ANO3: variants seen among roughly 807,000 people sequenced by gnomAD.
ANO3 encodes anoctamin 3.
In ANO3, 99 loss-of-function variants were observed where a neutral mutation model predicts 144.8. The ratio of observed to expected loss-of-function variants is 0.68; its 90% CI spans 0.58 to 0.81. ANO3 has a LOEUF of 0.81. ANO3 is among the 30% of genes least tolerant of loss of function. The pLI is 0.00. For missense variants in ANO3, 905 were observed against 1,202.2 expected, an observed-to-expected ratio of 0.75 and a Z score of 3.66; for synonymous variants, 414 against 392.6, an observed-to-expected ratio of 1.05 and a Z score of -0.64.
chr11:26,294,283 T>A (rs1242649261), intron 1 of ANO3, among the ~76,000 whole-genome samples: 1 of 152,196 alleles, frequency 6.6e-6, no homozygotes, highest in African/African-American at 2.4e-5. Context: ...ATTGAGCTAT[T>A]CTGGAGCCTC....
At chr11:26,221,557 G>GT (rs1351877733) in intron 1 of ANO3, among the ~76,000 whole-genome samples, 2 of 152,130 alleles carry the variant, frequency 1.3e-5, no homozygotes, top group African/African-American at 2.4e-5. Context: ...GTGTTAGTCT[G>GT]TTTTTTCATT....
chr11:26,251,439 T>C (rs1590216477), intron 1 of ANO3, among the ~76,000 whole-genome samples: 1 of 152,278 alleles, frequency 6.6e-6, no homozygotes, highest in South Asian at 2.1e-4. Context: ...AAGAATGAGG[T>C]TGGTTGTGCC....
At chr11:26,512,488 C>CA (rs1160194035) in intron 5 of ANO3, among the ~76,000 whole-genome samples, 3 of 151,892 alleles carry the variant, frequency 2.0e-5, no homozygotes, top group African/African-American at 4.8e-5. Context: ...CCAGTAACTG[C>CA]AAAAAAATGA....
chr11:26,621,745 T>C (rs1438276552), intron 17 of ANO3, among the ~76,000 whole-genome samples: 3 of 152,292 alleles, frequency 2.0e-5, no homozygotes, highest in Admixed American at 2.0e-4. Context: ...CACTAACTGA[T>C]GCACTAGAAA....
At chr11:26,395,228 T>C (rs1388104335) in intron 1 of ANO3, among the ~76,000 whole-genome samples, 2 of 152,168 alleles carry the variant, frequency 1.3e-5, no homozygotes, top group African/African-American at 2.4e-5. Flanking sequence ...AGCTCTGTTC[T>C]TTTTACTTAG....
intron 1 of ANO3, among the ~76,000 whole-genome samples, chr11:26,424,925 A>C (rs1387442026): frequency 6.6e-6 from 1 of 152,028 alleles, no homozygotes; most frequent in Non-Finnish European, 1.5e-5. Flanking sequence ...TCTAGGGTAC[A>C]TGTGCACAAC....
At chr11:26,354,439 T>C (rs546160497) in intron 1 of ANO3, among the ~76,000 whole-genome samples, 4 of 152,166 alleles carry the variant, frequency 2.6e-5, no homozygotes, top group African/African-American at 4.8e-5. Context: ...TTGTATGCAT[T>C]AAATATATCT....
intron 17 of ANO3, among the ~76,000 whole-genome samples, chr11:26,618,770 C>T (rs1852331877): frequency 6.6e-6 from 1 of 152,184 alleles, no homozygotes; most frequent in African/African-American, 2.4e-5. Context: ...ATACCCCTGT[C>T]TCTTTCTCCA....
intron 1 of ANO3, among the ~76,000 whole-genome samples, chr11:26,289,929 G>T (rs575903655): frequency 1.3e-3 from 197 of 151,914 alleles, no homozygotes; most frequent in Non-Finnish European, 2.1e-3. Context: ...GATGATGCTG[G>T]CCTCATAAAA....
Position 26,647,785 on chromosome 11 carries a change from T to G in ANO3, c.2505T>G (p.Ser835=). The change falls in exon 24 of 27, where the codon TCT becomes TCG. Residue 835 remains serine (S), a synonymous_variant. Transcript: ENST00000256737. The part of the protein sequence containing the change: ...ITNAFVIAIT[S]DYIPRFVYEY... ...ATGCATTTGTAATTGCTATTACTTC[T>G]GATTACATCCCACGTTTTGTTTATG... 1 of 1,613,544 alleles carries G rather than the reference T, an allele frequency of 6.2e-7. No individual in the cohort carries two copies. The highest frequency in any genetic ancestry group is 8.5e-7 in the Non-Finnish European group (1 of 1,179,580).
At position 26,355,563 on chromosome 11, in the gene ANO3, TTTC is replaced by T. The variant is rs1223686363; in HGVS notation, c.46+23245_46+23247del. Among the ~76,000 whole-genome samples the T allele has an allele frequency of 5.7e-4, 82 of 142,938 alleles. 1 individual carries two copies. The highest frequency in any genetic ancestry group is 2.9e-3 in the Admixed American group (42 of 14,562). 93.8% of individuals were successfully genotyped at this position (142,938 alleles called of 152,430 possible). On this transcript the variant is annotated intron_variant, in intron 1 of 26. Coordinates refer to ENST00000256737, the MANE Select transcript of ANO3 (RefSeq NM_031418.4). Reference sequence around the variant, plus strand: ...ATCCTGAAATTTCTTTCTTTCTTTCTTTCTTTTTTTTTTGAGATGAAGTTTCAC... The same window carrying T: ...ATCCTGAAATTTCTTTCTTTCTTTCTTTTTTTTTTTGAGATGAAGTTTCAC...
At chr11:26,241,116 C>T (rs1162439395) in intron 1 of ANO3, among the ~76,000 whole-genome samples, 1 of 151,938 alleles carries the variant, frequency 6.6e-6, no homozygotes, top group Non-Finnish European at 1.5e-5. Flanking sequence ...TGGGAGTTTC[C>T]CTGCACAAGC....
intron 1 of ANO3, among the ~76,000 whole-genome samples, chr11:26,302,272 G>A (rs141288299): frequency 6.6e-6 from 1 of 152,170 alleles, no homozygotes. Flanking sequence ...CGAGGCAGGT[G>A]GATCACGAGG....
intron 1 of ANO3, among the ~76,000 whole-genome samples, chr11:26,218,520 A>T (rs551742700): frequency 1.3e-5 from 2 of 152,096 alleles, no homozygotes; most frequent in South Asian, 4.2e-4. Context: ...TTTGTGTTCA[A>T]TTATACTCCC....
At chr11:26,329,375 C>T (rs1412616834), upstream of ANO3, among the ~76,000 whole-genome samples, 1 of 151,486 alleles carries the variant, frequency 6.6e-6, no homozygotes, top group African/African-American at 2.4e-5. Context: ...CACTGCCTTT[C>T]TATAAAGCAG....
At chr11:26,562,665 G>A (rs1850338975) in intron 14 of ANO3, among the ~76,000 whole-genome samples, 1 of 151,776 alleles carries the variant, frequency 6.6e-6, no homozygotes, top group Admixed American at 6.6e-5. Flanking sequence ...GCCTCATTAA[G>A]ATGGTTAATG....
At chr11:26,627,894 A>T (rs904702298) in intron 18 of ANO3, among the ~76,000 whole-genome samples, 1 of 148,744 alleles carries the variant, frequency 6.7e-6, no homozygotes, top group South Asian at 2.1e-4. Context: ...TGGCTGCGCT[A>T]ATTTGTGCTT....
chr11:26,361,389 T>C (rs1302745274), intron 1 of ANO3, among the ~76,000 whole-genome samples: 2 of 152,222 alleles, frequency 1.3e-5, no homozygotes, highest in Non-Finnish European at 2.9e-5. Context: ...AGACCTATTC[T>C]TTTTTGTAAT....
intron 26 of ANO3, among the ~76,000 whole-genome samples, chr11:26,656,801 T>G (rs1252343368): frequency 2.0e-5 from 3 of 152,098 alleles, no homozygotes; most frequent in African/African-American, 4.8e-5. Flanking sequence ...ATTTTCATCA[T>G]CCAATAAAAG....
Sources: allele counts gnomAD v4.1 joint callset (sites outside exome capture counted in the v4.1 genomes callset), GRCh38; gene constraint gnomAD v4.1.1; transcripts MANE v1.5; gene names NCBI Gene and HGNC (gene_info 2026-07-23, HGNC 2026-07-21).